The following POTEJ variants were observed in gnomAD, a reference collection of about 807,000 sequenced individuals.
The protein encoded by POTEJ is POTE ankyrin domain family member J, also known as POTE ankyrin domain family, member J.
A neutral mutation model predicts 69.0 loss-of-function variants in POTEJ; 11 were observed. The observed-to-expected ratio is 0.16, with a 90% CI of 0.10 to 0.26. The LOEUF is 0.26. POTEJ is among the 10% of genes least tolerant of loss of function. POTEJ has a pLI of 1.00. For synonymous variants in POTEJ, 117 were observed against 381.1 expected, an observed-to-expected ratio of 0.31 and a Z score of 8.07; for missense variants, 327 against 1,045.5, an observed-to-expected ratio of 0.31 and a Z score of 9.48.
chr2:130,628,863 C>T (rs1162409133), intron 6 of POTEJ, among the ~76,000 whole-genome samples: 4 of 147,882 alleles, frequency 2.7e-5, no homozygotes, highest in East Asian at 3.9e-4. Flanking sequence ...ACTAAAAACA[C>T]GAAAATTAGC....
intron 6 of POTEJ, among the ~76,000 whole-genome samples, chr2:130,625,011 A>AAAAC: frequency 6.6e-6 from 1 of 152,270 alleles, no homozygotes; most frequent in East Asian, 1.9e-4. Flanking sequence ...TAAAAGCAGA[A>AAAAC]AAACGTTTCA....
At chr2:130,620,620 G>A (rs1004932550) in intron 4 of POTEJ, among the ~76,000 whole-genome samples, 1 of 93,324 alleles carries the variant, frequency 1.1e-5, no homozygotes, top group Non-Finnish European at 1.8e-5. Context: ...GAATATTAAT[G>A]TTAGCTTATT....
chr2:130,654,720 T>G (rs1370299840), intron 13 of POTEJ, among the ~76,000 whole-genome samples: 3,185 of 136,884 alleles, frequency 0.023, 57 homozygotes, highest in African/African-American at 0.1. Flanking sequence ...CAGGTTCCTG[T>G]AAAAATTATC....
chr2:130,628,879 C>T (rs201342045), intron 6 of POTEJ, among the ~76,000 whole-genome samples: 1 of 123,722 alleles, frequency 8.1e-6, no homozygotes, highest in Non-Finnish European at 1.7e-5. Flanking sequence ...TTAGCAGGGC[C>T]TGATGGTGCA....
chr2:130,615,602 C>T lies in POTEJ; in HGVS notation c.411-1188C>T, dbSNP rs545094639. On this transcript the variant is annotated intron_variant, in intron 1 of 14. Transcript: ENST00000409602. ...GGAAGGAACACACACTGGGGCCTAT[C>T]AGAGGGTGGAGGGTGGGAAGAGGGA... 1.6e-4 allele frequency among the ~76,000 whole-genome samples: 22 copies of T among 140,888 alleles called. 2 individuals carry two copies. Among genetic ancestry groups the T allele is most frequent in the African/African-American group, 4.9e-4 (17 of 34,580 alleles). The allele number at this position is 140,888 out of a possible 152,430, so 92.4% of individuals were successfully genotyped here. A position where few individuals can be genotyped will look rare whatever the true frequency, so the allele number is the denominator to read the frequency against.
chr2:130,657,390 A>G lies in POTEJ; in HGVS notation c.2630A>G (p.Glu877Gly). ...AEREIVRDIK[E>G]KLCYVALDFE... is the part of the protein sequence containing the mutation. ...CGGGAAATCGTGCGTGACATCAAAG[A>G]GAAGCTGTGCTATGTTGCCCTGGAC... Residue 877 changes from glutamate (E) to glycine (G), a missense_variant, in exon 15 of 15, where the codon GAG (glutamate) becomes GGG (glycine). By Grantham distance (98) the Glu-to-Gly change is moderately conservative (BLOSUM62 -2). Transcript: ENST00000409602. 6.3e-7 allele frequency: 1 copy of G among 1,586,590 alleles called. No individual in the cohort carries two copies. The highest frequency in any genetic ancestry group is 1.1e-5 in the South Asian group (1 of 90,832).
At chr2:130,647,324 AC>A (rs1355017911) in intron 13 of POTEJ, among the ~76,000 whole-genome samples, 4 of 151,324 alleles carry the variant, frequency 2.6e-5, no homozygotes, top group Non-Finnish European at 4.4e-5. Context: ...ATTGCTAGTT[AC>A]TAAATTTTTG....
chr2:130,625,374 G>GT (rs1685666455), intron 6 of POTEJ, among the ~76,000 whole-genome samples: 3 of 151,904 alleles, frequency 2.0e-5, no homozygotes, highest in African/African-American at 7.3e-5. Flanking sequence ...ACAGACAGGA[G>GT]CTTTTTGTTA....
Position 130,657,056 on chromosome 2 carries a change from A to T in POTEJ, c.2296A>T (p.Ile766Phe), listed in dbSNP as rs762041881. 1 of 1,581,098 alleles carries T rather than the reference A, an allele frequency of 6.3e-7. No individual in the cohort carries two copies. Residue 766 changes from isoleucine (I) to phenylalanine (F), a missense_variant, in exon 15 of 15, where the codon ATC (isoleucine) becomes TTC (phenylalanine). By Grantham distance (21) the Ile-to-Phe change is conservative. Coordinates refer to ENST00000409602, the MANE Select transcript of POTEJ (RefSeq NM_001277083.2). ...GCGTGTGGCCCCCGAGGAGCACCCC[A>T]TCCTGCTGACCGAGGCCCCCCTGAA... ...ELRVAPEEHP[I>F]LLTEAPLNPK...
chr2:130,625,082 A>G (rs1474732663), intron 6 of POTEJ, among the ~76,000 whole-genome samples: 8 of 152,298 alleles, frequency 5.3e-5, no homozygotes, highest in Admixed American at 5.2e-4. Flanking sequence ...ATATAGTCCA[A>G]ACTGTATGAG....
At chr2:130,641,412 T>G (rs2105242329) in intron 10 of POTEJ, among the ~76,000 whole-genome samples, 1 of 148,622 alleles carries the variant, frequency 6.7e-6, no homozygotes, top group African/African-American at 2.5e-5. Context: ...TTTGCTTAAT[T>G]TTTTTCCTGT....
At chr2:130,638,296 G>C (rs1339383595) in intron 9 of POTEJ, among the ~76,000 whole-genome samples, 1 of 151,700 alleles carries the variant, frequency 6.6e-6, no homozygotes, top group African/African-American at 2.4e-5. Context: ...AAGAGAAGCA[G>C]CTTGTTCAAG....
intron 10 of POTEJ, among the ~76,000 whole-genome samples, chr2:130,640,682 G>A (rs1686324604): frequency 6.6e-6 from 1 of 151,886 alleles, no homozygotes; most frequent in African/African-American, 2.4e-5. Context: ...TTAGAAGCAT[G>A]CAAGGGGCTT....
intron 5 of POTEJ, among the ~76,000 whole-genome samples, chr2:130,622,617 C>T (rs1485345803): frequency 2.2e-5 from 3 of 138,800 alleles, no homozygotes; most frequent in Non-Finnish European, 4.7e-5. Flanking sequence ...TGAGCAGTGG[C>T]TCCCAGCTGT....
At chr2:130,647,224 TAA>T (rs1450311855) in intron 13 of POTEJ, among the ~76,000 whole-genome samples, 4 of 151,276 alleles carry the variant, frequency 2.6e-5, no homozygotes, top group Admixed American at 1.3e-4. Context: ...TGACACATCT[TAA>T]GAGTTCTTGT....
In POTEJ at chr2:130,611,733, C is replaced by T. The variant is rs768617639; in HGVS notation, c.201C>T (p.His67=). The stretch of plus-strand genomic sequence containing the variant: ...GCAAGATGGGCAAGTGGTGCTGCCA[C>T]TGCTTCCCCTGCTGCAGGGGGAGCG... ...LRSKMGKWCC[H]CFPCCRGSGK... The change falls in exon 1 of 15, where the codon CAC becomes CAT. Residue 67 remains histidine, a synonymous_variant. Transcript: ENST00000409602. The T allele has an allele frequency of 1.9e-6, 3 of 1,568,494 alleles. No homozygotes were observed. Among genetic ancestry groups the T allele is most frequent in the South Asian group, 1.1e-5 (1 of 90,480 alleles).
At chr2:130,647,211 T>G (rs1686612836) in intron 13 of POTEJ, among the ~76,000 whole-genome samples, 1 of 151,364 alleles carries the variant, frequency 6.6e-6, no homozygotes, top group South Asian at 2.1e-4. Flanking sequence ...GCGTTTAGTT[T>G]GATGACACAT....
intron 13 of POTEJ, 69 bp downstream of exon 13, chr2:130,646,379 A>G (rs1686579174): frequency 7.9e-6 from 4 of 508,926 alleles, no homozygotes; most frequent in South Asian, 6.8e-5. Context: ...TTGAGCTAAT[A>G]TTCATGATGA....
chr2:130,626,998 A>T (rs1439976382), intron 6 of POTEJ, among the ~76,000 whole-genome samples: 1 of 152,164 alleles, frequency 6.6e-6, no homozygotes, highest in Admixed American at 6.5e-5. Context: ...GGTATCGTCA[A>T]TATGATTTAG....
Sources: gnomAD v4.1 joint callset for allele counts (sites outside exome capture counted in the v4.1 genomes callset) on GRCh38, gnomAD v4.1.1 for gene constraint, MANE v1.5 for transcripts, NCBI Gene and HGNC (gene_info 2026-07-23, HGNC 2026-07-21) for gene names.